Variants in MYO1E observed in about 807,000 individuals in gnomAD.
The protein encoded by MYO1E is myosin IE, also known as unconventional myosin-Ie.
In MYO1E, 68 loss-of-function variants were observed where a neutral mutation model predicts 151.1. The ratio of observed to expected loss-of-function variants is 0.45; its 90% confidence interval spans 0.37 to 0.55. The LOEUF is 0.55. MYO1E is among the 20% of genes least tolerant of loss of function. MYO1E has a pLI of 0.00. For missense variants in MYO1E, 1,363 were observed against 1,389.3 expected (o/e 0.98, Z 0.30); for synonymous variants, 601 against 501.7 (o/e 1.20, Z -2.64).
At chr15:59,225,609 A>C (rs1181340847) in intron 7 of MYO1E, among the ~76,000 whole-genome samples, 2 of 150,614 alleles carry the variant, frequency 1.3e-5, no homozygotes, top group Non-Finnish European at 3.0e-5. Flanking sequence ...ACTCCCAAGT[A>C]TTTCGTAGCT....
chr15:59,178,497 C>T lies in MYO1E; in HGVS notation c.1945G>A (p.Gly649Arg), dbSNP rs1196068660. The change falls in exon 19 of 28, where the codon GGA becomes AGA. Residue 649 changes from glycine to arginine, a missense_variant. Gly to Arg is a moderately radical substitution (Grantham distance 125). Coordinates refer to ENST00000288235, the MANE Select transcript of MYO1E (RefSeq NM_004998.4). ...LTKATWPSWQ[G>R]EEKQGVLHLL... is the part of the protein sequence containing the mutation. ...TGCAGGACGCCTTGCTTCTCCTCTC[C>T]CTGCCAAGAAGGCCAGGTGGCTTTG... The T allele has an allele frequency of 3.7e-6, 6 of 1,614,156 alleles. No homozygotes were observed. The highest frequency in any genetic ancestry group is 5.1e-6 in the Non-Finnish European group (6 of 1,180,016).
chr15:59,202,519 T>C (rs2079808605), intron 15 of MYO1E, 112 bp from the exon 16 acceptor site: 1 of 976,424 alleles, frequency 1.0e-6, no homozygotes, highest in Non-Finnish European at 1.6e-6. Context: ...TAACCTTGGC[T>C]ACAGAAAAGC....
rs372211470 is a variant in MYO1E at position 59,276,920 on chromosome 15, CCA to C, written c.4-4473_4-4472del. On this transcript the variant is annotated intron_variant, in intron 1 of 27. Coordinates refer to ENST00000288235, the MANE Select transcript of MYO1E (RefSeq NM_004998.4). ...AGACAGCCCCAGGGTAGGCCTGGCC[CCA>C]CGCGGCAGCGGTTCTGCAAACACTT... Among the ~76,000 whole-genome samples, 835 of 152,300 alleles carry C rather than the reference CCA, an allele frequency of 5.5e-3. 4 individuals are homozygous for C. The highest frequency in any genetic ancestry group is 0.019 in the African/African-American group (775 of 41,560).
rs532263217 is a variant in MYO1E, at chr15:59,187,534, A to T, written c.1904+584T>A. ...AGAAAACAATCAGGCAGTTCCTCTC[A>T]AAGGTTAAATGCAGAGTTACCATAT... On this transcript the variant is annotated intron_variant, in intron 18 of 27. Coordinates refer to ENST00000288235, the MANE Select transcript of MYO1E (RefSeq NM_004998.4). Among the ~76,000 whole-genome samples, 68 of 152,380 alleles carry T rather than the reference A, an allele frequency of 4.5e-4. 1 individual carries two copies. In the Middle Eastern group the frequency reaches 0.01, roughly 23 times the overall value.
chr15:59,349,030 A>AT (rs1291247564), intron 1 of MYO1E, among the ~76,000 whole-genome samples: 1 of 152,166 alleles, frequency 6.6e-6, no homozygotes, highest in Admixed American at 6.5e-5. Context: ...TGCCATGGAC[A>AT]TATGGAAGAG....
chr15:59,203,537 A>G (rs1039650621), intron 15 of MYO1E, among the ~76,000 whole-genome samples: 2 of 152,096 alleles, frequency 1.3e-5, no homozygotes, highest in Non-Finnish European at 2.9e-5. Context: ...GTGCCACCAC[A>G]GCTAATTTTT....
rs146667328 is a variant in MYO1E at position 59,366,463 on chromosome 15, A to T, written c.3+6035T>A. Among the ~76,000 whole-genome samples, 476 of 151,920 alleles carry T rather than the reference A, an allele frequency of 3.1e-3. 1 individual carries two copies. The highest frequency in any genetic ancestry group is 0.011 in the African/African-American group (437 of 41,404). On this transcript the variant is annotated intron_variant, in intron 1 of 27. Coordinates refer to ENST00000288235, the MANE Select transcript of MYO1E (RefSeq NM_004998.4). The stretch of plus-strand genomic sequence containing the variant: ...ACACCACACGTGGCTAATTTTTAAA[A>T]TTTTTTTTGGTAAAGGCCTGAACGA...
chr15:59,185,810 G>A (rs2029212), intron 18 of MYO1E, among the ~76,000 whole-genome samples: 42,787 of 152,064 alleles, frequency 0.28, 6,615 homozygotes, highest in East Asian at 0.58. Context: ...GCCTGGATAC[G>A]CTTTTGGATG....
chr15:59,186,619 T>C (rs1350654899), intron 18 of MYO1E, among the ~76,000 whole-genome samples: 1 of 152,080 alleles, frequency 6.6e-6, no homozygotes, highest in Admixed American at 6.6e-5. Flanking sequence ...GGCATGGTGA[T>C]GCATGCCTGT....
intron 1 of MYO1E, among the ~76,000 whole-genome samples, chr15:59,298,813 G>C (rs1169931339): frequency 6.6e-6 from 1 of 152,350 alleles, no homozygotes; most frequent in East Asian, 1.9e-4. Context: ...GAATCACAAA[G>C]AGGAAAGTTC....
At chr15:59,248,442 A>ACAC (rs1275926820) in intron 4 of MYO1E, among the ~76,000 whole-genome samples, 1 of 140,792 alleles carries the variant, frequency 7.1e-6, no homozygotes, top group Non-Finnish European at 1.5e-5. Context: ...AGCCGAGATC[A>ACAC]CACCACTGAA....
At chr15:59,364,333 C>T (rs902405788) in intron 1 of MYO1E, among the ~76,000 whole-genome samples, 2 of 152,158 alleles carry the variant, frequency 1.3e-5, no homozygotes, top group African/African-American at 2.4e-5. Context: ...CCCAAGCTCA[C>T]CCAAAGAGGG....
chr15:59,151,153 G>A (rs575319830), intron 26 of MYO1E, among the ~76,000 whole-genome samples: 10 of 152,106 alleles, frequency 6.6e-5, no homozygotes, highest in Non-Finnish European at 1.2e-4. Context: ...TCAGCTGGGC[G>A]CGGTGGCTCA....
intron 16 of MYO1E, among the ~76,000 whole-genome samples, chr15:59,198,610 G>C (rs774154558): frequency 9.2e-5 from 14 of 152,106 alleles, no homozygotes; most frequent in Non-Finnish European, 1.6e-4. Context: ...GAAGTCAGGA[G>C]TTCGAGACCA....
At chr15:59,201,464 G>A (rs1033340173) in intron 16 of MYO1E, among the ~76,000 whole-genome samples, 1 of 146,148 alleles carries the variant, frequency 6.8e-6, no homozygotes, top group East Asian at 2.0e-4. Context: ...GAGTGCAATC[G>A]CGCAATCTTG....
chr15:59,208,201 A>G, intron 14 of MYO1E: 1 of 964,222 alleles, frequency 1.0e-6, no homozygotes, highest in Non-Finnish European at 1.5e-6. Flanking sequence ...AAGTAGGTAG[A>G]GTGATTTTCC....
chr15:59,306,264 T>C (rs1399884667), intron 1 of MYO1E, among the ~76,000 whole-genome samples: 2 of 152,230 alleles, frequency 1.3e-5, no homozygotes, highest in East Asian at 3.8e-4. Context: ...ATAGATTACC[T>C]GATTGTATAT....
chr15:59,217,943 C>CG lies in MYO1E; in HGVS notation c.1054dup (p.Arg352ProfsTer14). On this transcript the variant is annotated frameshift_variant, in exon 10 of 28. Transcript: ENST00000288235. LOFTEE classifies it high-confidence loss of function. ...GTGCAGGGCCTTGGCGAGCGCATCC[C>CG]GGGTGTAACAGGCCTGCTCTACGTT... is the stretch of plus-strand genomic sequence containing the variant. 1 of 1,614,198 alleles carries CG rather than the reference C, an allele frequency of 6.2e-7. No individual in the cohort carries two copies. The highest frequency in any genetic ancestry group is 8.5e-7 in the Non-Finnish European group (1 of 1,180,032).
chr15:59,197,004 T>TTTTTTC, intron 16 of MYO1E, among the ~76,000 whole-genome samples: 1 of 134,030 alleles, frequency 7.5e-6, no homozygotes, highest in Non-Finnish European at 1.6e-5. Context: ...TTTTTTTTTT[T>TTTTTTC]TTTTTTGAGA....
Sources: allele counts gnomAD v4.1 joint callset (sites outside exome capture counted in the v4.1 genomes callset), GRCh38; gene constraint gnomAD v4.1.1; transcripts MANE v1.5; gene names NCBI Gene and HGNC (gene_info 2026-07-23, HGNC 2026-07-21).